Variants in ADAMTSL1 observed in about 807,000 individuals in gnomAD.
ADAMTSL1 encodes the protein ADAMTS like 1.
In ADAMTSL1, 126 loss-of-function variants were observed where a neutral mutation model predicts 201.8. That is an observed-to-expected ratio of 0.62 (90% confidence interval 0.54 to 0.72). The LOEUF is 0.72. Among genes scored for constraint, ADAMTSL1 ranks in the 30% least tolerant of loss-of-function variants. The probability of loss-of-function intolerance (pLI) is 0.00; values close to 1 mark genes in which losing one functional copy is unlikely to be tolerated. For missense variants in ADAMTSL1, 2,679 were observed against 2,277.8 expected (o/e 1.18, Z -3.59); for synonymous variants, 1,121 against 903.4 (o/e 1.24, Z -4.32).
chr9:18,890,707 C>G, intron 25 of ADAMTSL1: 1 of 387,294 alleles, frequency 2.6e-6, no homozygotes, highest in Non-Finnish European at 5.2e-6. Flanking sequence ...TAGCCTGGCC[C>G]GCTCCTTTCT....
At chr9:18,736,377 T>C (rs1564192672) in intron 15 of ADAMTSL1, among the ~76,000 whole-genome samples, 4 of 152,242 alleles carry the variant, frequency 2.6e-5, no homozygotes. Flanking sequence ...GGTACTACCA[T>C]AGGCCTTGGG....
intron 2 of ADAMTSL1, among the ~76,000 whole-genome samples, chr9:18,411,385 G>T (rs1463787078): frequency 6.6e-6 from 1 of 151,088 alleles, no homozygotes; most frequent in Non-Finnish European, 1.5e-5. Context: ...TTTTTATAGA[G>T]ACTGGGTTTC....
intron 2 of ADAMTSL1, among the ~76,000 whole-genome samples, chr9:18,439,314 AC>A (rs1819892363): frequency 2.0e-5 from 3 of 152,136 alleles, no homozygotes; most frequent in African/African-American, 7.2e-5. Flanking sequence ...TACTGAGGAC[AC>A]CCAGTTTGGG....
At chr9:18,274,423 A>C (rs1016415579) in intron 2 of ADAMTSL1, among the ~76,000 whole-genome samples, 2 of 152,200 alleles carry the variant, frequency 1.3e-5, no homozygotes, top group Non-Finnish European at 2.9e-5. Context: ...CAAGTTTTTC[A>C]TCTAGATTAT....
intron 5 of ADAMTSL1, among the ~76,000 whole-genome samples, chr9:18,625,940 T>C (rs1360904216): frequency 1.3e-5 from 2 of 152,230 alleles, no homozygotes; most frequent in Non-Finnish European, 2.9e-5. Context: ...ATAATGGCTA[T>C]GGGTAAACAT....
chr9:18,771,614 G>A (rs1820690902), intron 17 of ADAMTSL1, among the ~76,000 whole-genome samples: 1 of 150,162 alleles, frequency 6.7e-6, no homozygotes, highest in Non-Finnish European at 1.5e-5. Context: ...AGAATCACTA[G>A]ACCTGAAGTG....
At chr9:18,681,268 A>C (rs1830453555) in intron 11 of ADAMTSL1, 1 of 152,484 alleles carries the variant, frequency 6.6e-6, no homozygotes, top group Non-Finnish European at 1.5e-5. Flanking sequence ...TTAGAGGTGC[A>C]ATCTACATTG....
At chr9:18,025,986 T>A (rs1820676737) in intron 1 of ADAMTSL1, among the ~76,000 whole-genome samples, 1 of 152,094 alleles carries the variant, frequency 6.6e-6, no homozygotes, top group Non-Finnish European at 1.5e-5. Flanking sequence ...TTAGATGTAT[T>A]CCTAGGTATT....
chr9:18,324,118 A>G (rs573549370), intron 2 of ADAMTSL1, among the ~76,000 whole-genome samples: 5 of 152,342 alleles, frequency 3.3e-5, no homozygotes, highest in South Asian at 2.1e-4. Context: ...CTGAGAAGAG[A>G]CAAAATAGAT....
intron 9 of ADAMTSL1, among the ~76,000 whole-genome samples, chr9:18,672,047 A>T (rs993039556): frequency 6.6e-6 from 1 of 152,038 alleles, no homozygotes; most frequent in African/African-American, 2.4e-5. Context: ...AAAAAAATTA[A>T]ATTTAATTAA....
At position 17,921,099 on chromosome 9, in the gene ADAMTSL1, ATTAG is replaced by A. The variant is rs369141827; in HGVS notation, c.87+14181_87+14184del. Among the ~76,000 whole-genome samples the A allele has an allele frequency of 9.9e-5, 15 of 152,248 alleles. No homozygotes were observed. The East Asian group carries it at 2.9e-3, about 29-fold the overall frequency. ...TGTGTTTGCTTTTTGTAAAACTCCT[ATTAG>A]TTATTTGGCCTCTTGGGTTGTTCAT... is the stretch of plus-strand genomic sequence containing the variant. On this transcript the variant is annotated intron_variant, in intron 1 of 29. Transcript: ENST00000680146.
At chr9:18,303,980 C>G (rs535945783) in intron 2 of ADAMTSL1, among the ~76,000 whole-genome samples, 3 of 152,132 alleles carry the variant, frequency 2.0e-5, no homozygotes, top group African/African-American at 7.2e-5. Flanking sequence ...CCAGAGCTCT[C>G]CACCCGTTCC....
chr9:18,471,441 A>G (rs115963550), upstream of ADAMTSL1, among the ~76,000 whole-genome samples: 688 of 152,306 alleles, frequency 4.5e-3, 5 homozygotes, highest in African/African-American at 0.016. Context: ...TAATTTCAAA[A>G]AGTAGTCACA....
intron 21 of ADAMTSL1, among the ~76,000 whole-genome samples, chr9:18,825,464 CA>C (rs1200830613): frequency 1.3e-5 from 2 of 152,204 alleles, no homozygotes; most frequent in African/African-American, 4.8e-5. Context: ...AGAAGATATG[CA>C]GGCTTCCAAA....
intron 2 of ADAMTSL1, among the ~76,000 whole-genome samples, chr9:18,411,972 T>C (rs1166151895): frequency 6.6e-6 from 1 of 152,236 alleles, no homozygotes; most frequent in African/African-American, 2.4e-5. Flanking sequence ...CACTGGAAAT[T>C]GCACATCACA....
chr9:18,535,810 T>C (rs1377962314), intron 3 of ADAMTSL1, among the ~76,000 whole-genome samples: 1 of 152,112 alleles, frequency 6.6e-6, no homozygotes, highest in Admixed American at 6.6e-5. Context: ...AATCATCAGA[T>C]CTTGTGAGAA....
At chr9:18,267,335 C>T (rs1461807893) in intron 2 of ADAMTSL1, among the ~76,000 whole-genome samples, 1 of 152,054 alleles carries the variant, frequency 6.6e-6, no homozygotes, top group Non-Finnish European at 1.5e-5. Flanking sequence ...GCATTTTGAG[C>T]TTTTATCTTT....
At chr9:18,554,948 A>C (rs1821018818) in intron 3 of ADAMTSL1, among the ~76,000 whole-genome samples, 1 of 151,798 alleles carries the variant, frequency 6.6e-6, no homozygotes, top group Non-Finnish European at 1.5e-5. Context: ...ACAAATATGT[A>C]AGGAACATAT....
chr9:17,950,581 T>C (rs1160215069), intron 1 of ADAMTSL1, among the ~76,000 whole-genome samples: 1 of 151,800 alleles, frequency 6.6e-6, no homozygotes, highest in Non-Finnish European at 1.5e-5. Context: ...AAATATTTTA[T>C]GTCACACTAT....
Sources: gnomAD v4.1 joint callset for allele counts (sites outside exome capture counted in the v4.1 genomes callset) on GRCh38, gnomAD v4.1.1 for gene constraint, MANE v1.5 for transcripts, NCBI Gene and HGNC (gene_info 2026-07-23, HGNC 2026-07-21) for gene names.